Variants in RFTN1 observed in about 807,000 individuals in gnomAD.
RFTN1 encodes the protein raftlin, lipid raft linker 1.
In RFTN1, 26 loss-of-function variants were observed where a neutral mutation model predicts 46.5. The ratio of observed to expected loss-of-function variants is 0.56; its 90% confidence interval spans 0.41 to 0.78. RFTN1 has a LOEUF of 0.78. Among genes scored for constraint, RFTN1 ranks in the 30% least tolerant of loss-of-function variants. RFTN1 has a pLI of 0.00. For missense variants in RFTN1, 693 were observed against 718.7 expected, an observed-to-expected ratio of 0.96 and a Z score of 0.41; for synonymous variants, 261 against 284.2, an observed-to-expected ratio of 0.92 and a Z score of 0.82.
intron 2 of RFTN1, among the ~76,000 whole-genome samples, chr3:16,461,833 A>T (rs2124929225): frequency 6.6e-6 from 1 of 152,362 alleles, no homozygotes; most frequent in South Asian, 2.1e-4. Flanking sequence ...AAAATGCACA[A>T]CAGCAAACTC....
chr3:16,377,318 A>G (rs1575174962), intron 5 of RFTN1, among the ~76,000 whole-genome samples: 1 of 152,278 alleles, frequency 6.6e-6, no homozygotes, highest in Non-Finnish European at 1.5e-5. Flanking sequence ...TCAGCTGTAA[A>G]ATGTCTTGCT....
chr3:16,405,397 T>G (rs2074828508), intron 4 of RFTN1, among the ~76,000 whole-genome samples: 1 of 152,162 alleles, frequency 6.6e-6, no homozygotes, highest in Non-Finnish European at 1.5e-5. Context: ...GCCAATAGGA[T>G]GGAACACAGC....
At position 16,446,048 on chromosome 3, in the gene RFTN1, TA is replaced by T. The variant is rs1420710112; in HGVS notation, c.146-12012del. ...GAGAAGGCTCATTAGCAGCTGTCATTAAATGAAGAAATTCTCCTCTGATAAG... is the reference window on the plus strand; with the variant it reads ...GAGAAGGCTCATTAGCAGCTGTCATTAATGAAGAAATTCTCCTCTGATAAG... On this transcript the variant is annotated intron_variant, in intron 2 of 9. Coordinates refer to ENST00000334133, the MANE Select transcript of RFTN1 (RefSeq NM_015150.2). The surrounding 1 kb of genome is among the most constrained non-coding windows in gnomAD (Gnocchi z 4.5). Among the ~76,000 whole-genome samples the T allele has an allele frequency of 1.3e-5, 2 of 152,162 alleles. No homozygotes were observed. The highest frequency in any genetic ancestry group is 2.9e-5 in the Non-Finnish European group (2 of 68,034).
Position 16,335,776 on chromosome 3 carries a change from TAAAAAA to T in RFTN1, c.1147-8906_1147-8901del, listed in dbSNP as rs540104859. On this transcript the variant is annotated intron_variant, in intron 7 of 9. Coordinates refer to ENST00000334133, the MANE Select transcript of RFTN1 (RefSeq NM_015150.2). The surrounding 1 kb of genome is among the most constrained non-coding windows in gnomAD (Gnocchi z 4.7). Reference sequence around the variant, plus strand: ...ATCCTGCACTTGCACCCTGGAACTTTAAAAAAAAAAAAAAAAAAAGGAGTTTGATCA... The same window carrying T: ...ATCCTGCACTTGCACCCTGGAACTTTAAAAAAAAAAAAAGGAGTTTGATCA... 2.9e-5 allele frequency among the ~76,000 whole-genome samples: 4 copies of T among 136,644 alleles called. No homozygotes were observed. The highest frequency in any genetic ancestry group is 7.3e-5 in the Admixed American group (1 of 13,638). 89.6% of individuals were successfully genotyped at this position (136,644 alleles called of 152,430 possible). A position where few individuals can be genotyped will look rare whatever the true frequency, so the allele number is the denominator to read the frequency against.
rs1464306793 is a variant in RFTN1 at position 16,468,793 on chromosome 3, G to C, written c.145+24932C>G. ...ACTTATAAGAGGCCCTGGTGCCCCA[G>C]TACAATGGAGCAATTAAATCTTTAT... On this transcript the variant is annotated intron_variant, in intron 2 of 9. Transcript: ENST00000334133. The surrounding 1 kb of genome is among the most constrained non-coding windows in gnomAD (Gnocchi z 4.4). 1.3e-5 allele frequency among the ~76,000 whole-genome samples: 2 copies of C among 152,166 alleles called. No homozygotes were observed. The highest frequency in any genetic ancestry group is 2.1e-4 in the South Asian group (1 of 4,830).
chr3:16,373,404 G>A (rs2073606514), intron 5 of RFTN1, among the ~76,000 whole-genome samples: 1 of 152,254 alleles, frequency 6.6e-6, no homozygotes, highest in African/African-American at 2.4e-5. Flanking sequence ...TGGGGCCCAA[G>A]GGTGGGGGTG....
intron 4 of RFTN1, among the ~76,000 whole-genome samples, chr3:16,394,683 G>A (rs2074427668): frequency 6.6e-6 from 1 of 152,100 alleles, no homozygotes; most frequent in Non-Finnish European, 1.5e-5. Flanking sequence ...GTACACTTAT[G>A]ATTTATGCAC....
intron 3 of RFTN1, among the ~76,000 whole-genome samples, chr3:16,411,717 G>T (rs922312686): frequency 4.6e-5 from 7 of 152,202 alleles, no homozygotes; most frequent in African/African-American, 1.4e-4. Flanking sequence ...ACCATGTGAG[G>T]TCTCAAACAA....
At position 16,504,029 on chromosome 3, in the gene RFTN1, A is replaced by G. The variant is rs1373589301; in HGVS notation, c.-9+9413T>C. ...CTGCGTGTACTCTTTTACAATCTAT[A>G]TATAACACCCAGAACAACATATGGC... On this transcript the variant is annotated intron_variant, in intron 1 of 9. Transcript: ENST00000334133. This position sits in a 1 kb window ranked among gnomAD's most constrained non-coding sequence, Gnocchi z 4.4. Among the ~76,000 whole-genome samples the G allele has an allele frequency of 2.0e-5, 3 of 152,144 alleles. No homozygotes were observed. The highest frequency in any genetic ancestry group is 2.1e-4 in the South Asian group (1 of 4,826).
At position 16,385,716 on chromosome 3, in the gene RFTN1, ACAGT is replaced by A. The variant is rs1440787894; in HGVS notation, c.442-7618_442-7615del. 6.6e-6 allele frequency among the ~76,000 whole-genome samples: 1 copy of A among 152,214 alleles called. No individual in the cohort carries two copies. Among genetic ancestry groups the A allele is most frequent in the Non-Finnish European group, 1.5e-5 (1 of 68,044 alleles). On this transcript the variant is annotated intron_variant, in intron 4 of 9. Coordinates refer to ENST00000334133, the MANE Select transcript of RFTN1 (RefSeq NM_015150.2). This position sits in a 1 kb window ranked among gnomAD's most constrained non-coding sequence, Gnocchi z 5.0. ...AGATGCATGCCCTGACCAGGAGGGC[ACAGT>A]CAAAGAGTCAACACGCTGGAGTAGT...
Position 16,400,717 on chromosome 3 carries a change from C to T in RFTN1, c.441+8658G>A, listed in dbSNP as rs751675289. Among the ~76,000 whole-genome samples, 89 of 152,280 alleles carry T rather than the reference C, an allele frequency of 5.8e-4. No individual in the cohort carries two copies. Among genetic ancestry groups the T allele is most frequent in the Non-Finnish European group, 1.1e-3 (73 of 68,018 alleles). On this transcript the variant is annotated intron_variant, in intron 4 of 9. Coordinates refer to ENST00000334133, the MANE Select transcript of RFTN1 (RefSeq NM_015150.2). This position sits in a 1 kb window ranked among gnomAD's most constrained non-coding sequence, Gnocchi z 4.5. ...CCCTCCCTCCGGCTTAAATTAACTT[C>T]AGCGAACCTCTCTGGACAGAACAGG...
Position 16,425,224 on chromosome 3 carries a change from G to A in RFTN1, c.332+8627C>T, listed in dbSNP as rs1451755154. Among the ~76,000 whole-genome samples the A allele has an allele frequency of 3.9e-5, 6 of 152,150 alleles. No homozygotes were observed. ...GCTACCAAATAAATCTTCCTAGAGA[G>A]TCAATTTTTACTTAAAGATTGTATG... On this transcript the variant is annotated intron_variant, in intron 3 of 9. Transcript: ENST00000334133. This position sits in a 1 kb window ranked among gnomAD's most constrained non-coding sequence, Gnocchi z 4.3.
At position 16,377,792 on chromosome 3, in the gene RFTN1, G is replaced by C. The variant is rs1286911876; in HGVS notation, c.752C>G (p.Pro251Arg). The part of the protein sequence containing the change: ...SGEGDGGELS[P>R]QGVSKTLDGP... ...ATCCAGTGTCTTGCTCACCCCCTGT[G>C]GTGAAAGTTCTCCACCATCTCCCTC... The change falls in exon 5 of 10, where the codon CCA becomes CGA. Residue 251 changes from proline (P) to arginine (R), a missense_variant. Coordinates refer to ENST00000334133, the MANE Select transcript of RFTN1 (RefSeq NM_015150.2). 1.4e-5 allele frequency: 22 copies of C among 1,614,150 alleles called. No homozygotes were observed. The highest frequency in any genetic ancestry group is 1.9e-5 in the Non-Finnish European group (22 of 1,180,010).
rs1306687529 is a variant in RFTN1 at position 16,335,015 on chromosome 3, C to T, written c.1147-8139G>A. On this transcript the variant is annotated intron_variant, in intron 7 of 9. Coordinates refer to ENST00000334133, the MANE Select transcript of RFTN1 (RefSeq NM_015150.2). The surrounding 1 kb of genome is among the most constrained non-coding windows in gnomAD (Gnocchi z 4.7). ...CTGGCAATGGTCGGTAACAGATTGTCTCCTAAAAGTCTCCACAAAGAATGT... is the reference window on the plus strand; with the variant it reads ...CTGGCAATGGTCGGTAACAGATTGTTTCCTAAAAGTCTCCACAAAGAATGT... 1.3e-5 allele frequency among the ~76,000 whole-genome samples: 2 copies of T among 152,216 alleles called. No homozygotes were observed. The highest frequency in any genetic ancestry group is 2.9e-5 in the Non-Finnish European group (2 of 68,042).
chr3:16,423,481 G>T (rs2075232343), intron 3 of RFTN1, among the ~76,000 whole-genome samples: 1 of 152,216 alleles, frequency 6.6e-6, no homozygotes, highest in South Asian at 2.1e-4. Flanking sequence ...TTAGAAGACA[G>T]GTGCCAATGT....
rs2076868460 is a variant in RFTN1 at position 16,509,852 on chromosome 3, G to T, written c.-9+3590C>A. ...CTGCGCTAGGCTTTTAAGGAGGAGGGAACAGTCCCCAAACACAGTGCAATG... is the reference window on the plus strand; with the variant it reads ...CTGCGCTAGGCTTTTAAGGAGGAGGTAACAGTCCCCAAACACAGTGCAATG... On this transcript the variant is annotated intron_variant, in intron 1 of 9. Transcript: ENST00000334133. This position sits in a 1 kb window ranked among gnomAD's most constrained non-coding sequence, Gnocchi z 4.9. 6.6e-6 allele frequency among the ~76,000 whole-genome samples: 1 copy of T among 152,134 alleles called. No homozygotes were observed. The highest frequency in any genetic ancestry group is 2.4e-5 in the African/African-American group (1 of 41,418).
chr3:16,316,754 GC>G lies in RFTN1; in HGVS notation c.*73del. On this transcript the variant is annotated 3_prime_UTR_variant, in exon 10 of 10. Transcript: ENST00000334133. The surrounding 1 kb of genome is among the most constrained non-coding windows in gnomAD (Gnocchi z 4.5). ...GTAACACACAACACCAGGGAAACCA[GC>G]CCCCAAACCAGCTGTTGGTAAGATG... 6.4e-7 allele frequency: 1 copy of G among 1,573,062 alleles called. No homozygotes were observed.
At chr3:16,439,342 C>T (rs1408880294) in intron 2 of RFTN1, among the ~76,000 whole-genome samples, 1 of 152,206 alleles carries the variant, frequency 6.6e-6, no homozygotes, top group Non-Finnish European at 1.5e-5. Flanking sequence ...TGGTCTGTTT[C>T]TCACCCTACT....
At chr3:16,332,748 C>T (rs376696406) in intron 7 of RFTN1, among the ~76,000 whole-genome samples, 2 of 152,310 alleles carry the variant, frequency 1.3e-5, no homozygotes, top group East Asian at 1.9e-4. Context: ...ATTCCTCTAT[C>T]TACTTTCCAT....
Sources: allele counts gnomAD v4.1 joint callset (sites outside exome capture counted in the v4.1 genomes callset), GRCh38; gene constraint gnomAD v4.1.1; non-coding constraint Gnocchi (gnomAD v3.1); transcripts MANE v1.5; gene names NCBI Gene and HGNC (gene_info 2026-07-23, HGNC 2026-07-21).